Variants in EVI5 observed in about 807,000 individuals in gnomAD.
EVI5 encodes the protein ecotropic viral integration site 5.
A neutral mutation model predicts 112.0 loss-of-function variants in EVI5; 73 were observed. The ratio of observed to expected loss-of-function variants is 0.65; its 90% confidence interval spans 0.54 to 0.79. EVI5 has a LOEUF of 0.79. Ranked by LOEUF, EVI5 falls within the 30% of genes least tolerant of loss-of-function variation. The pLI is 0.00. For missense variants in EVI5, 900 were observed against 968.8 expected (o/e 0.93, Z 0.94); for synonymous variants, 305 against 319.9 (o/e 0.95, Z 0.50).
chr1:92,587,518 A>G (rs1449726025), intron 18 of EVI5, among the ~76,000 whole-genome samples: 1 of 152,152 alleles, frequency 6.6e-6, no homozygotes. Context: ...AAAAAATATA[A>G]TATTTTTAAG....
At chr1:92,780,003 G>A (rs375007899) in intron 1 of EVI5, among the ~76,000 whole-genome samples, 76 of 152,274 alleles carry the variant, frequency 5.0e-4, no homozygotes, top group African/African-American at 1.7e-3. Context: ...TTGGCTCTGT[G>A]TCCCCACCCA....
At chr1:92,588,089 T>C (rs1244461648) in intron 18 of EVI5, among the ~76,000 whole-genome samples, 2 of 152,216 alleles carry the variant, frequency 1.3e-5, no homozygotes, top group African/African-American at 4.8e-5. Context: ...AAATAGCATT[T>C]AGATGGTGGA....
At chr1:92,731,090 G>A (rs573918291) in intron 2 of EVI5, among the ~76,000 whole-genome samples, 32 of 152,260 alleles carry the variant, frequency 2.1e-4, no homozygotes, top group East Asian at 5.8e-4. Context: ...TTGGGAGGCC[G>A]AGGTAGGCAA....
At chr1:92,720,756 A>C (rs1674605087) in intron 2 of EVI5, among the ~76,000 whole-genome samples, 1 of 152,228 alleles carries the variant, frequency 6.6e-6, no homozygotes, top group South Asian at 2.1e-4. Context: ...GAATGGGAAA[A>C]AATCTTTGCA....
At chr1:92,535,627 A>T (rs1663752191) in intron 19 of EVI5, among the ~76,000 whole-genome samples, 1 of 152,202 alleles carries the variant, frequency 6.6e-6, no homozygotes, top group Non-Finnish European at 1.5e-5. Context: ...ATGGAGTTGG[A>T]AACCATCATT....
chr1:92,628,963 C>T (rs1656296155), intron 14 of EVI5, among the ~76,000 whole-genome samples: 2 of 152,194 alleles, frequency 1.3e-5, no homozygotes, highest in Non-Finnish European at 2.9e-5. Flanking sequence ...AGGAAGCATG[C>T]TACCTTTCAA....
At chr1:92,586,111 T>A (rs1362075649) in intron 18 of EVI5, among the ~76,000 whole-genome samples, 1 of 152,226 alleles carries the variant, frequency 6.6e-6, no homozygotes, top group East Asian at 1.9e-4. Context: ...ATTTTCATCA[T>A]GTCACATGAT....
chr1:92,599,892 A>G (rs551278425), intron 18 of EVI5, among the ~76,000 whole-genome samples: 1 of 152,300 alleles, frequency 6.6e-6, no homozygotes, highest in South Asian at 2.1e-4. Flanking sequence ...AAAGGATTTT[A>G]TGCTAAGGAG....
At position 92,736,471 on chromosome 1, in the gene EVI5, G is replaced by C. The variant is rs775838594; in HGVS notation, c.76C>G (p.Leu26Val). ...AACTGTGATGGGGAAGATGGTGAAA[G>C]GGCTGGTGTTGATAGTGTGGTAGAT... ...SSSTTLSTPALSPSSPSQLSP... is the reference protein window; with the variant it reads ...SSSTTLSTPAVSPSSPSQLSP... Residue 26 changes from leucine to valine, a missense_variant, in exon 2 of 20, where the codon CTT (leucine) becomes GTT (valine). Coordinates refer to ENST00000684568, the MANE Select transcript of EVI5 (RefSeq NM_001350197.2). 6.2e-6 allele frequency: 10 copies of C among 1,613,894 alleles called. No individual in the cohort carries two copies. Among genetic ancestry groups the C allele is most frequent in the Admixed American group, 3.3e-5 (2 of 59,994 alleles).
rs1015179479 is a variant in EVI5, at chr1:92,662,589, A to G, written c.1392+130T>C. The stretch of plus-strand genomic sequence containing the variant: ...TAAATATCACAGAACATAAAATTGT[A>G]TAATTTAAAAGTTCAAAGTCTAAAA... On this transcript the variant is annotated intron_variant, in intron 13 of 19. Coordinates refer to ENST00000684568, the MANE Select transcript of EVI5 (RefSeq NM_001350197.2). 3 of 527,542 alleles carry G rather than the reference A, an allele frequency of 5.7e-6. No homozygotes were observed. In the African/African-American group the frequency reaches 6.1e-5, roughly 11 times the overall value. 32.7% of individuals were successfully genotyped at this position (527,542 alleles called of 1,614,324 possible).
rs929212252 is a variant in EVI5 at position 92,687,780 on chromosome 1, G to A, written c.1097+6022C>T. On this transcript the variant is annotated intron_variant, in intron 9 of 19. Transcript: ENST00000684568. ...ACATTTATGCAGCCAACAGACATGT[G>A]ATAAAATGCTCATCACCACTGGTCA... Among the ~76,000 whole-genome samples, 17 of 152,176 alleles carry A rather than the reference G, an allele frequency of 1.1e-4. 1 individual carries two copies. Among genetic ancestry groups the A allele is most frequent in the Admixed American group, 9.2e-4 (14 of 15,282 alleles).
In EVI5 at chr1:92,677,189, GTT is replaced by G; in HGVS notation, c.1125_1126del (p.Lys375AsnfsTer9). The stretch of plus-strand genomic sequence containing the variant: ...TTCAACTTGCTCTTCCATTTCTTTC[GTT>G]TTTATTGTAGTGTATTCCTTTTCAA... On this transcript the variant is annotated frameshift_variant, in exon 10 of 20. Coordinates refer to ENST00000684568, the MANE Select transcript of EVI5 (RefSeq NM_001350197.2). LOFTEE classifies it high-confidence loss of function. The G allele has an allele frequency of 6.3e-7, 1 of 1,587,074 alleles. No individual in the cohort carries two copies. Among genetic ancestry groups the G allele is most frequent in the Non-Finnish European group, 8.6e-7 (1 of 1,162,776 alleles).
intron 10 of EVI5, among the ~76,000 whole-genome samples, chr1:92,676,771 A>T (rs1666815353): frequency 6.6e-6 from 1 of 152,122 alleles, no homozygotes; most frequent in South Asian, 2.1e-4. Flanking sequence ...AACCATAATT[A>T]GTTCTAGTGT....
chr1:92,588,054 T>TA (rs1673100767), intron 18 of EVI5, among the ~76,000 whole-genome samples: 1 of 152,218 alleles, frequency 6.6e-6, no homozygotes, highest in Non-Finnish European at 1.5e-5. Context: ...TTAGTATTAA[T>TA]GTAAAAATAA....
chr1:92,663,904 C>T (rs1664439881), intron 11 of EVI5, among the ~76,000 whole-genome samples: 2 of 152,158 alleles, frequency 1.3e-5, no homozygotes, highest in African/African-American at 4.8e-5. Context: ...TGTGCCACCA[C>T]ATGTAGCTAG....
chr1:92,545,220 T>C (rs1224548273), intron 19 of EVI5, among the ~76,000 whole-genome samples: 1 of 152,152 alleles, frequency 6.6e-6, no homozygotes, highest in Non-Finnish European at 1.5e-5. Context: ...TGTTATTGTT[T>C]ATTTTTAAAA....
chr1:92,685,065 T>G (rs1394022920), intron 9 of EVI5, among the ~76,000 whole-genome samples: 1 of 151,980 alleles, frequency 6.6e-6, no homozygotes, highest in African/African-American at 2.4e-5. Context: ...CTACTAGATA[T>G]CTACAGAACT....
At chr1:92,665,225 GA>G (rs904961289) in intron 11 of EVI5, among the ~76,000 whole-genome samples, 1 of 151,830 alleles carries the variant, frequency 6.6e-6, no homozygotes, top group Non-Finnish European at 1.5e-5. Context: ...AAAAGAAAAA[GA>G]AAAAAGCACC....
At position 92,657,669 on chromosome 1, in the gene EVI5, C is replaced by CA. The variant is rs200503125; in HGVS notation, c.1392+5049dup. 1.4e-3 allele frequency among the ~76,000 whole-genome samples: 210 copies of CA among 149,212 alleles called. 1 individual carries two copies. The highest frequency in any genetic ancestry group is 5.1e-3 in the African/African-American group (201 of 39,142). On this transcript the variant is annotated intron_variant, in intron 13 of 19. Transcript: ENST00000684568. ...CAGAGCAAGATCCTGTTAAAACAAA[C>CA]AAACAAAAAAAAACTAAAAAACCTA...
Sources: allele counts gnomAD v4.1 joint callset (sites outside exome capture counted in the v4.1 genomes callset), GRCh38; gene constraint gnomAD v4.1.1; transcripts MANE v1.5; gene names NCBI Gene and HGNC (gene_info 2026-07-23, HGNC 2026-07-21).